The following TTC39B variants were observed in gnomAD, a reference collection of about 807,000 sequenced individuals.
TTC39B encodes the protein tetratricopeptide repeat domain 39B.
TTC39B carries 92 observed loss-of-function variants against 96.6 expected under a neutral mutation model. The ratio of observed to expected loss-of-function variants is 0.95; its 90% CI spans 0.80 to 1.13. The LOEUF (loss-of-function observed/expected upper bound fraction) is 1.13. TTC39B is among the 50% of genes most tolerant of loss of function. The probability of loss-of-function intolerance (pLI) is 0.00; values close to 1 mark genes in which losing one functional copy is unlikely to be tolerated. For synonymous variants in TTC39B, 367 were observed against 299.4 expected (o/e 1.23, Z -2.33); for missense variants, 955 against 809.3 (o/e 1.18, Z -2.18).
At chr9:15,279,579 T>C (rs10125329) in intron 1 of TTC39B, among the ~76,000 whole-genome samples, 26,693 of 152,170 alleles carry the variant, frequency 0.18, 3,391 homozygotes, top group African/African-American at 0.36. Flanking sequence ...CATAGATTAA[T>C]GTCAGATGTG....
intron 3 of TTC39B, among the ~76,000 whole-genome samples, chr9:15,220,214 C>A (rs1279128756): frequency 1.3e-5 from 2 of 152,198 alleles, no homozygotes; most frequent in Non-Finnish European, 2.9e-5. Flanking sequence ...CCTGTGGACT[C>A]CAGACCTCCC....
At chr9:15,178,502 C>G (rs573171681) in intron 17 of TTC39B, among the ~76,000 whole-genome samples, 1 of 152,292 alleles carries the variant, frequency 6.6e-6, no homozygotes, top group African/African-American at 2.4e-5. Context: ...TTGAGCCCAG[C>G]AGTTGGAGGC....
At chr9:15,210,798 A>C (rs1820150909) in intron 5 of TTC39B, among the ~76,000 whole-genome samples, 2 of 149,846 alleles carry the variant, frequency 1.3e-5, no homozygotes, top group African/African-American at 5.1e-5. Context: ...CCTTGAAAAA[A>C]ATTTTGATAG....
intron 3 of TTC39B, among the ~76,000 whole-genome samples, chr9:15,221,516 A>G (rs945935758): frequency 1.3e-5 from 2 of 151,934 alleles, no homozygotes; most frequent in African/African-American, 4.8e-5. Context: ...TTCTAGGTTC[A>G]TCTTGTACTT....
chr9:15,174,213 C>A (rs975468832), intron 19 of TTC39B, among the ~76,000 whole-genome samples: 1 of 152,040 alleles, frequency 6.6e-6, no homozygotes, highest in Non-Finnish European at 1.5e-5. Flanking sequence ...GCTAACAGAG[C>A]AGAAGTATTG....
chr9:15,203,316 C>A (rs1819649152), intron 7 of TTC39B, among the ~76,000 whole-genome samples: 1 of 152,100 alleles, frequency 6.6e-6, no homozygotes, highest in African/African-American at 2.4e-5. Flanking sequence ...AGTGGTAGGA[C>A]CTCGGCTCAC....
At chr9:15,197,714 C>T (rs1819255226) in intron 8 of TTC39B, among the ~76,000 whole-genome samples, 1 of 151,654 alleles carries the variant, frequency 6.6e-6, no homozygotes, top group Non-Finnish European at 1.5e-5. Flanking sequence ...TACTGAGACC[C>T]AAAGATACAA....
intron 3 of TTC39B, among the ~76,000 whole-genome samples, chr9:15,215,314 T>C (rs1026267647): frequency 6.6e-6 from 1 of 151,814 alleles, no homozygotes. Context: ...TCTCAGCACT[T>C]TGGGAGGCCA....
intron 3 of TTC39B, among the ~76,000 whole-genome samples, chr9:15,216,521 G>C (rs1169259444): frequency 6.6e-6 from 1 of 152,180 alleles, no homozygotes; most frequent in Admixed American, 6.5e-5. Flanking sequence ...CTCACGGCAA[G>C]ATTTTTCACA....
At chr9:15,242,282 T>C (rs1822078017) in intron 2 of TTC39B, among the ~76,000 whole-genome samples, 1 of 152,040 alleles carries the variant, frequency 6.6e-6, no homozygotes, top group African/African-American at 2.4e-5. Context: ...TTTAAGAATA[T>C]CAACAACGGG....
At chr9:15,266,199 G>T (rs764777485) in intron 2 of TTC39B, among the ~76,000 whole-genome samples, 1 of 151,748 alleles carries the variant, frequency 6.6e-6, no homozygotes, top group Non-Finnish European at 1.5e-5. Context: ...AATTCTGTAA[G>T]TCTGAAACTG....
chr9:15,208,453 A>G (rs1246642274), intron 6 of TTC39B, among the ~76,000 whole-genome samples: 2 of 152,188 alleles, frequency 1.3e-5, no homozygotes, highest in Non-Finnish European at 2.9e-5. Flanking sequence ...ATGGGCCACT[A>G]GAGGGAAACC....
intron 1 of TTC39B, among the ~76,000 whole-genome samples, chr9:15,285,248 G>T (rs1228780488): frequency 6.7e-6 from 1 of 149,408 alleles, no homozygotes; most frequent in Non-Finnish European, 1.5e-5. Context: ...CAGCCTGGGC[G>T]ACAGAGCAAG....
chr9:15,192,524 G>A lies in TTC39B; in HGVS notation c.930+66C>T, dbSNP rs1014103669. On this transcript the variant is annotated intron_variant, in intron 9 of 19. Coordinates refer to ENST00000512701, the Ensembl canonical transcript of TTC39B. The stretch of plus-strand genomic sequence containing the variant: ...TTCAGGATGAGGTTCAAATGCAGTG[G>A]AGAAGGCACAGAAAACCTTAGGTTC... 1.7e-5 allele frequency: 21 copies of A among 1,258,478 alleles called. No homozygotes were observed. The African/African-American group carries it at 3.0e-4, about 18-fold the overall frequency. 78.0% of individuals were successfully genotyped at this position (1,258,478 alleles called of 1,614,324 possible).
intron 6 of TTC39B, among the ~76,000 whole-genome samples, chr9:15,208,367 T>C (rs1338364213): frequency 1.3e-5 from 2 of 151,888 alleles, no homozygotes; most frequent in African/African-American, 4.8e-5. Flanking sequence ...TACCATGTCA[T>C]TCATGCCAAA....
At chr9:15,214,188 A>C (rs1586887765) in exon 4 of TTC39B, 1 of 1,614,138 alleles carries the variant, frequency 6.2e-7, no homozygotes, top group South Asian at 1.1e-5. Context: ...CTTAGAAATA[A>C]GTTCAATGCC....
At chr9:15,176,837 C>A (rs1445826176) in intron 18 of TTC39B, among the ~76,000 whole-genome samples, 2 of 152,114 alleles carry the variant, frequency 1.3e-5, no homozygotes, top group Admixed American at 6.5e-5. Flanking sequence ...ATATCTGGCC[C>A]CTGTAAATAC....
chr9:15,289,225 C>A (rs1824090873), intron 1 of TTC39B, among the ~76,000 whole-genome samples: 1 of 152,058 alleles, frequency 6.6e-6, no homozygotes, highest in Admixed American at 6.6e-5. Flanking sequence ...CCTTTCCTCC[C>A]AAAAATAAAA....
exon 19 of TTC39B, chr9:15,175,036 C>T (rs376886769): frequency 1.1e-5 from 17 of 1,613,442 alleles, no homozygotes; most frequent in Admixed American, 5.0e-5. Flanking sequence ...TTTCTAGGAA[C>T]TTTATGGCCT....
Sources: gnomAD v4.1 joint callset for allele counts (sites outside exome capture counted in the v4.1 genomes callset) on GRCh38, gnomAD v4.1.1 for gene constraint, MANE v1.5 for transcripts, NCBI Gene and HGNC (gene_info 2026-07-23, HGNC 2026-07-21) for gene names.